The following RUNX1 variants were observed in gnomAD, a reference collection of about 807,000 sequenced individuals.
The protein encoded by RUNX1 is runt-related transcription factor 1.
RUNX1 carries 19 observed loss-of-function variants against 42.8 expected under a neutral mutation model. The ratio of observed to expected loss-of-function variants is 0.44; its 90% confidence interval spans 0.31 to 0.65. The LOEUF is 0.65. Among genes scored for constraint, RUNX1 ranks in the 30% least tolerant of loss-of-function variants. The probability of loss-of-function intolerance (pLI) is 0.07; values close to 1 mark genes in which losing one functional copy is unlikely to be tolerated. For synonymous variants in RUNX1, 271 were observed against 289.4 expected, an observed-to-expected ratio of 0.94 and a Z score of 0.64; for missense variants, 528 against 672.0, an observed-to-expected ratio of 0.79 and a Z score of 2.37.
chr21:34,894,179 T>A (rs1239128843), intron 2 of RUNX1, among the ~76,000 whole-genome samples: 1 of 152,042 alleles, frequency 6.6e-6, no homozygotes, highest in Non-Finnish European at 1.5e-5. Context: ...GGGTGTGGAA[T>A]CCACAACGGT....
intron 2 of RUNX1, among the ~76,000 whole-genome samples, chr21:34,966,329 C>A (rs569123647): frequency 1.3e-5 from 2 of 152,194 alleles, no homozygotes; most frequent in African/African-American, 4.8e-5. Context: ...AAGTGCCTCA[C>A]GCCACTTTAA....
At chr21:34,992,180 T>A (rs1476414089) in intron 2 of RUNX1, among the ~76,000 whole-genome samples, 1 of 152,200 alleles carries the variant, frequency 6.6e-6, no homozygotes, top group Non-Finnish European at 1.5e-5. Context: ...GGCCTGGACA[T>A]TTCTGCCCCT....
At position 34,980,713 on chromosome 21, in the gene RUNX1, T is replaced by C. The variant is rs376052974; in HGVS notation, c.58+68129A>G. 6.6e-4 allele frequency among the ~76,000 whole-genome samples: 100 copies of C among 152,238 alleles called. 1 individual carries two copies. The highest frequency in any genetic ancestry group is 2.3e-3 in the African/African-American group (97 of 41,474). ...TCCAGAAATTCAAAACCAGAAAAAC[T>C]ATCAAGACACTGTGATTGTGTGCCA... is the stretch of plus-strand genomic sequence containing the variant. On this transcript the variant is annotated intron_variant, in intron 2 of 8. Coordinates refer to ENST00000675419, the MANE Select transcript of RUNX1 (RefSeq NM_001754.5).
chr21:34,937,110 T>C (rs574467428), intron 2 of RUNX1, among the ~76,000 whole-genome samples: 3 of 152,216 alleles, frequency 2.0e-5, no homozygotes, highest in African/African-American at 7.2e-5. Context: ...CACACATGGG[T>C]CCAATCTTTG....
At chr21:34,917,999 G>A (rs2058324609) in intron 2 of RUNX1, among the ~76,000 whole-genome samples, 1 of 151,738 alleles carries the variant, frequency 6.6e-6, no homozygotes, top group African/African-American at 2.4e-5. Context: ...CTTGGTGGTG[G>A]GTGCCTGTAG....
chr21:34,969,062 A>T (rs2146738733), intron 2 of RUNX1, among the ~76,000 whole-genome samples: 1 of 152,312 alleles, frequency 6.6e-6, no homozygotes, highest in South Asian at 2.1e-4. Context: ...GTGAAGAGGA[A>T]GTTCAGTTTT....
At chr21:34,819,632 G>C (rs189378395) in intron 7 of RUNX1, among the ~76,000 whole-genome samples, 1 of 152,230 alleles carries the variant, frequency 6.6e-6, no homozygotes, top group African/African-American at 2.4e-5. Flanking sequence ...GGACGTGGCC[G>C]TCACAGGGAT....
intron 6 of RUNX1, among the ~76,000 whole-genome samples, chr21:34,835,890 G>A (rs2057139025): frequency 6.6e-6 from 1 of 152,192 alleles, no homozygotes; most frequent in South Asian, 2.1e-4. Context: ...ACCACGAGAA[G>A]TGCACTGTAG....
intron 5 of RUNX1, among the ~76,000 whole-genome samples, chr21:34,866,810 G>A (rs772516927): frequency 5.3e-5 from 8 of 152,102 alleles, no homozygotes; most frequent in Admixed American, 2.6e-4. Flanking sequence ...TGATCCAATC[G>A]CACTCACATC....
chr21:34,867,697 C>G (rs1475914250), intron 5 of RUNX1, among the ~76,000 whole-genome samples: 2 of 152,180 alleles, frequency 1.3e-5, no homozygotes, highest in African/African-American at 4.8e-5. Context: ...TTCATTTTCC[C>G]TTTCTAATCT....
At chr21:34,886,224 C>T (rs879543199) in intron 4 of RUNX1, among the ~76,000 whole-genome samples, 1 of 152,218 alleles carries the variant, frequency 6.6e-6, no homozygotes, top group Non-Finnish European at 1.5e-5. Context: ...GGATTCGATA[C>T]TTGCGGCTTC....
chr21:34,845,222 G>C (rs1169333993), intron 6 of RUNX1, among the ~76,000 whole-genome samples: 2 of 152,222 alleles, frequency 1.3e-5, no homozygotes, highest in Non-Finnish European at 2.9e-5. Context: ...GGGAGGGAAA[G>C]TTCTGTTTAT....
At chr21:34,924,356 T>C (rs1292699535) in intron 2 of RUNX1, among the ~76,000 whole-genome samples, 2 of 152,166 alleles carry the variant, frequency 1.3e-5, no homozygotes, top group African/African-American at 4.8e-5. Flanking sequence ...TAATACTCAA[T>C]AGCTACAAGG....
chr21:34,933,135 T>C (rs2058460363), intron 2 of RUNX1, among the ~76,000 whole-genome samples: 1 of 152,196 alleles, frequency 6.6e-6, no homozygotes, highest in African/African-American at 2.4e-5. Context: ...ATTGCAAAGC[T>C]ATACACACAG....
In RUNX1 at chr21:34,791,277, G is replaced by C. The variant is rs891972031; in HGVS notation, c.*858C>G. On this transcript the variant is annotated 3_prime_UTR_variant, in exon 9 of 9. Transcript: ENST00000675419. ...ACTTTGGCTACTATCAAGAACAAAA[G>C]AAAATGTAGTACTTGATATTTTTCT... 5 of 232,344 alleles carry C rather than the reference G, an allele frequency of 2.2e-5. No homozygotes were observed. Among genetic ancestry groups the C allele is most frequent in the Non-Finnish European group, 4.3e-5 (5 of 117,406 alleles). The allele number at this position is 232,344 out of a possible 1,614,324, so 14.4% of individuals were successfully genotyped here.
At chr21:34,820,602 G>A (rs973062402) in intron 7 of RUNX1, among the ~76,000 whole-genome samples, 10 of 151,802 alleles carry the variant, frequency 6.6e-5, no homozygotes, top group African/African-American at 2.4e-4. Context: ...CCGGGAGGTA[G>A]AGGTTGCAGT....
chr21:35,047,547 ACACACACACACACACTCTCTCT>A (rs1188980937), intron 2 of RUNX1, among the ~76,000 whole-genome samples: 6 of 123,308 alleles, frequency 4.9e-5, no homozygotes, highest in Middle Eastern at 8.3e-3. Context: ...ACACACACAC[ACACACACACACACACTCTCTCT>A]CTCTCTCTCT....
chr21:35,041,279 C>T (rs763086036), intron 2 of RUNX1, among the ~76,000 whole-genome samples: 4 of 152,200 alleles, frequency 2.6e-5, no homozygotes, highest in South Asian at 2.1e-4. Context: ...AGACTGAATA[C>T]GTTGAGTATT....
intron 2 of RUNX1, among the ~76,000 whole-genome samples, chr21:34,987,610 T>G (rs2058900769): frequency 6.6e-6 from 1 of 152,150 alleles, no homozygotes; most frequent in African/African-American, 2.4e-5. Context: ...GGTTGAGATC[T>G]TTATGGTTAG....
Sources: allele counts gnomAD v4.1 joint callset (sites outside exome capture counted in the v4.1 genomes callset), GRCh38; gene constraint gnomAD v4.1.1; transcripts MANE v1.5; gene names NCBI Gene and HGNC (gene_info 2026-07-23, HGNC 2026-07-21).